PRDM16: variants seen among roughly 807,000 people sequenced by gnomAD.
The protein encoded by PRDM16 is histone-lysine N-methyltransferase PRDM16.
Under a neutral mutation model 110.6 loss-of-function variants are expected in PRDM16, and 23 were observed. The ratio of observed to expected loss-of-function variants is 0.21; its 90% CI spans 0.15 to 0.29. The LOEUF (loss-of-function observed/expected upper bound fraction) is 0.29, where lower values mean the gene tolerates loss of function less well. Among genes scored for constraint, PRDM16 ranks in the 10% least tolerant of loss-of-function variants. PRDM16 has a pLI of 1.00. For synonymous variants in PRDM16, 799 were observed against 781.8 expected, an observed-to-expected ratio of 1.02 and a Z score of -0.37; for missense variants, 1,615 against 1,794.3, an observed-to-expected ratio of 0.90 and a Z score of 1.81.
At chr1:3,122,465 C>T (rs1451330581) in intron 1 of PRDM16, among the ~76,000 whole-genome samples, 1 of 152,076 alleles carries the variant, frequency 6.6e-6, no homozygotes, top group Non-Finnish European at 1.5e-5. Flanking sequence ...AAGCTCTGTC[C>T]CAGAAGCAAA....
chr1:3,344,916 G>T (rs1642333578), intron 3 of PRDM16, among the ~76,000 whole-genome samples: 1 of 152,210 alleles, frequency 6.6e-6, no homozygotes, highest in Admixed American at 6.5e-5. Flanking sequence ...TCTCTGTGTA[G>T]CTCTTGTTTT....
At chr1:3,236,605 C>T (rs1244428526) in intron 2 of PRDM16, among the ~76,000 whole-genome samples, 3 of 152,182 alleles carry the variant, frequency 2.0e-5, no homozygotes, top group African/African-American at 7.2e-5. Context: ...GGCTGGTCTA[C>T]ACCTGTGTAT....
chr1:3,077,762 C>T (rs552009907), intron 1 of PRDM16, among the ~76,000 whole-genome samples: 4 of 152,206 alleles, frequency 2.6e-5, no homozygotes, highest in Admixed American at 2.6e-4. Flanking sequence ...CAGGCCAGGC[C>T]CCGTGCGTGG....
chr1:3,403,911 C>T (rs942180512), intron 6 of PRDM16, among the ~76,000 whole-genome samples: 1 of 152,208 alleles, frequency 6.6e-6, no homozygotes, highest in East Asian at 1.9e-4. Context: ...ACCCTCCACC[C>T]GGAACAGATG....
intron 3 of PRDM16, among the ~76,000 whole-genome samples, chr1:3,268,021 G>GTGCAGACCTCAGGGGCC (rs1553155196): frequency 6.6e-6 from 1 of 152,234 alleles, no homozygotes; most frequent in Non-Finnish European, 1.5e-5. Flanking sequence ...GCCAACCTGG[G>GTGCAGACCTCAGGGGCC]TGCAGACCTC....
chr1:3,214,435 A>C (rs1638973582), intron 2 of PRDM16, among the ~76,000 whole-genome samples: 1 of 152,180 alleles, frequency 6.6e-6, no homozygotes. Context: ...GGTGGCTCAC[A>C]TCTGTCATCC....
intron 8 of PRDM16, 89 bp downstream of exon 8, chr1:3,405,737 C>T: frequency 1.5e-6 from 2 of 1,365,292 alleles, no homozygotes; most frequent in South Asian, 1.5e-5. Flanking sequence ...CCAAGGTCTC[C>T]CCCGATCCGA....
rs1014014477 is a variant in PRDM16, at chr1:3,290,569, G to C, written c.438+46432G>C. On this transcript the variant is annotated intron_variant, in intron 3 of 16. Coordinates refer to ENST00000270722, the MANE Select transcript of PRDM16 (RefSeq NM_022114.4). This position sits in a 1 kb window ranked among gnomAD's most constrained non-coding sequence, Gnocchi z 4.8. ...GTGAATGCTTGGGACAGCGAGAGGTGGCATCACTGAAGAAGCCCCGTGGCT... is the reference window on the plus strand; with the variant it reads ...GTGAATGCTTGGGACAGCGAGAGGTCGCATCACTGAAGAAGCCCCGTGGCT... Among the ~76,000 whole-genome samples, 2 of 152,214 alleles carry C rather than the reference G, an allele frequency of 1.3e-5. No individual in the cohort carries two copies. Among genetic ancestry groups the C allele is most frequent in the Non-Finnish European group, 2.9e-5 (2 of 68,036 alleles).
At chr1:3,156,486 A>ATTTATCC (rs994276622) in intron 1 of PRDM16, among the ~76,000 whole-genome samples, 14 of 152,064 alleles carry the variant, frequency 9.2e-5, no homozygotes, top group Non-Finnish European at 1.9e-4. Flanking sequence ...CCAAATATAT[A>ATTTATCC]CCCCCAAAAG....
intron 2 of PRDM16, among the ~76,000 whole-genome samples, chr1:3,199,807 A>G (rs1331535280): frequency 3.3e-5 from 5 of 152,270 alleles, no homozygotes; most frequent in Admixed American, 3.3e-4. Flanking sequence ...TCCCACATGG[A>G]CACGAGCACC....
At chr1:3,217,838 G>A (rs1165455666) in intron 2 of PRDM16, among the ~76,000 whole-genome samples, 1 of 152,192 alleles carries the variant, frequency 6.6e-6, no homozygotes, top group Non-Finnish European at 1.5e-5. Flanking sequence ...TATTCGGGAT[G>A]CCGCCTGCAT....
intron 1 of PRDM16, among the ~76,000 whole-genome samples, chr1:3,104,429 C>T (rs976984021): frequency 2.0e-5 from 3 of 152,338 alleles, no homozygotes; most frequent in Admixed American, 1.3e-4. Context: ...AGTGAACAGG[C>T]AGAGGCTGCC....
chr1:3,396,952 A>T (rs871823), intron 5 of PRDM16, among the ~76,000 whole-genome samples: 2 of 151,844 alleles, frequency 1.3e-5, no homozygotes, highest in African/African-American at 4.8e-5. Flanking sequence ...TATTATTGCT[A>T]TTATTCTTAT....
At chr1:3,156,558 G>C (rs1379266927) in intron 1 of PRDM16, among the ~76,000 whole-genome samples, 1 of 152,208 alleles carries the variant, frequency 6.6e-6, no homozygotes, top group Non-Finnish European at 1.5e-5. Flanking sequence ...CCTCCTGGTA[G>C]AGGCAGGAGC....
intron 1 of PRDM16, among the ~76,000 whole-genome samples, chr1:3,134,033 C>T (rs923138525): frequency 2.6e-5 from 4 of 152,168 alleles, no homozygotes; most frequent in African/African-American, 7.2e-5. Context: ...GGTCAGGCAG[C>T]GCGTCCAGTT....
intron 3 of PRDM16, among the ~76,000 whole-genome samples, chr1:3,375,036 C>T (rs963160198): frequency 1.3e-5 from 2 of 152,334 alleles, no homozygotes; most frequent in Admixed American, 6.5e-5. Flanking sequence ...TCAGAGCCCA[C>T]CCCGCCTGCA....
intron 3 of PRDM16, among the ~76,000 whole-genome samples, chr1:3,355,949 G>T (rs1250772701): frequency 2.6e-5 from 4 of 152,076 alleles, no homozygotes; most frequent in Non-Finnish European, 4.4e-5. Flanking sequence ...GTGAATGTGA[G>T]CAAAGACGCC....
intron 3 of PRDM16, among the ~76,000 whole-genome samples, chr1:3,258,896 A>G (rs1302517983): frequency 6.6e-6 from 1 of 152,244 alleles, no homozygotes; most frequent in East Asian, 1.9e-4. Context: ...CAAGGCCCCA[A>G]AAGGGCAGAT....
chr1:3,423,647 C>T (rs1422752505), intron 12 of PRDM16, among the ~76,000 whole-genome samples: 1 of 152,292 alleles, frequency 6.6e-6, no homozygotes, highest in South Asian at 2.1e-4. Context: ...TGGGGCCTCT[C>T]GGAGTCCTGT....
Sources: allele counts gnomAD v4.1 joint callset (sites outside exome capture counted in the v4.1 genomes callset), GRCh38; gene constraint gnomAD v4.1.1; non-coding constraint Gnocchi (gnomAD v3.1); transcripts MANE v1.5; gene names NCBI Gene and HGNC (gene_info 2026-07-23, HGNC 2026-07-21).